Variants in SV2C observed in about 807,000 individuals in gnomAD.
SV2C encodes synaptic vesicle glycoprotein 2C, also known as solute carrier family 22 member B3.
In SV2C, 49 loss-of-function variants were observed where a neutral mutation model predicts 79.7. That is an observed-to-expected ratio of 0.61 (90% CI 0.49 to 0.78). The LOEUF (loss-of-function observed/expected upper bound fraction) is 0.78. Ranked by LOEUF, SV2C falls within the 30% of genes least tolerant of loss-of-function variation. The pLI is 0.00. For synonymous variants in SV2C, 334 were observed against 333.2 expected, an observed-to-expected ratio of 1.00 and a Z score of -0.03; for missense variants, 833 against 912.9, an observed-to-expected ratio of 0.91 and a Z score of 1.13.
intron 4 of SV2C, among the ~76,000 whole-genome samples, chr5:76,263,169 C>T (rs1437586834): frequency 6.6e-6 from 1 of 152,080 alleles, no homozygotes; most frequent in Non-Finnish European, 1.5e-5. Flanking sequence ...TGCATTGATC[C>T]CTTTACCATT....
At chr5:76,176,576 T>C (rs6868505) in intron 2 of SV2C, among the ~76,000 whole-genome samples, 89,501 of 151,974 alleles carry the variant, frequency 0.59, 28,269 homozygotes, top group East Asian at 0.91. Flanking sequence ...ACTTAATTCC[T>C]ATCTTTCCCC....
Position 76,131,720 on chromosome 5 carries a change from C to A in SV2C, c.-31C>A. ...CTGAAAGGAGGCTGTGAAAATTTCC[C>A]ATCTTCTCATTGGCCATCAGTTGAG... On this transcript the variant is annotated 5_prime_UTR_variant, in exon 2 of 13. Coordinates refer to ENST00000502798, the MANE Select transcript of SV2C (RefSeq NM_014979.4). 1 of 1,545,650 alleles carries A rather than the reference C, an allele frequency of 6.5e-7. No individual in the cohort carries two copies. The highest frequency in any genetic ancestry group is 8.8e-7 in the Non-Finnish European group (1 of 1,142,724).
chr5:76,257,716 G>C (rs949113118), intron 4 of SV2C, among the ~76,000 whole-genome samples: 1 of 151,342 alleles, frequency 6.6e-6, no homozygotes, highest in Admixed American at 6.6e-5. Context: ...GTAGGTGTAT[G>C]TGTGTGTATG....
At chr5:76,005,151 C>T in the SV2C span, among the ~76,000 whole-genome samples, 1 of 152,180 alleles carries the variant, frequency 6.6e-6, no homozygotes, top group Non-Finnish European at 1.5e-5. Context: ...AATACAATAT[C>T]ACAGGAGGAG....
chr5:76,099,344 A>G (rs1747663333), intron 1 of SV2C, among the ~76,000 whole-genome samples: 2 of 149,084 alleles, frequency 1.3e-5, no homozygotes, highest in Admixed American at 6.8e-5. Context: ...CCTGTTTGCC[A>G]TATTAGTGCT....
At chr5:76,152,990 T>C (rs1277803778) in intron 2 of SV2C, among the ~76,000 whole-genome samples, 1 of 152,198 alleles carries the variant, frequency 6.6e-6, no homozygotes, top group African/African-American at 2.4e-5. Context: ...ATAAATTATA[T>C]AGCTGCTATA....
chr5:76,290,549 T>A (rs2112503992), intron 6 of SV2C, among the ~76,000 whole-genome samples: 1 of 152,370 alleles, frequency 6.6e-6, no homozygotes, highest in East Asian at 1.9e-4. Context: ...TGTGGTTCTC[T>A]TCCTTAGCAA....
At chr5:76,144,692 G>A (rs889793973) in intron 2 of SV2C, among the ~76,000 whole-genome samples, 1 of 152,140 alleles carries the variant, frequency 6.6e-6, no homozygotes, top group Non-Finnish European at 1.5e-5. Context: ...CAAGAACTGA[G>A]GGCAGATGCA....
At chr5:76,004,706 T>C in the SV2C span, among the ~76,000 whole-genome samples, 1 of 152,250 alleles carries the variant, frequency 6.6e-6, no homozygotes, top group East Asian at 1.9e-4. Context: ...CTCAGATGCA[T>C]GCATTATTTA....
rs1194641545 is a variant in SV2C at position 76,232,304 on chromosome 5, A to C, written c.913+22417A>C. On this transcript the variant is annotated intron_variant, in intron 4 of 12. Coordinates refer to ENST00000502798, the MANE Select transcript of SV2C (RefSeq NM_014979.4). ...GGGGTTGTTTGTTTTTTTCTTGTAA[A>C]TTTGTTGGAGTTCATTGTAGATTCT... Among the ~76,000 whole-genome samples, 24 of 150,364 alleles carry C rather than the reference A, an allele frequency of 1.6e-4. 1 individual carries two copies. Among genetic ancestry groups the C allele is most frequent in the African/African-American group, 4.0e-4 (16 of 40,234 alleles).
At chr5:76,084,888 G>A (rs924477429) in intron 1 of SV2C, among the ~76,000 whole-genome samples, 1 of 151,944 alleles carries the variant, frequency 6.6e-6, no homozygotes, top group African/African-American at 2.4e-5. Context: ...TGGGCTGGCG[G>A]GCAGGCGGCT....
At chr5:76,269,805 G>A (rs114036335) in intron 4 of SV2C, among the ~76,000 whole-genome samples, 2,276 of 152,310 alleles carry the variant, frequency 0.015, 60 homozygotes, top group African/African-American at 0.05. Flanking sequence ...CTGGTAAGTA[G>A]CATTCAGAGA....
At chr5:76,175,379 T>G (rs751117643) in intron 2 of SV2C, among the ~76,000 whole-genome samples, 8 of 152,188 alleles carry the variant, frequency 5.3e-5, no homozygotes, top group Non-Finnish European at 1.0e-4. Context: ...TAGGTATAAT[T>G]CAATTAAAAA....
the SV2C span, among the ~76,000 whole-genome samples, chr5:75,887,115 T>A: frequency 6.6e-6 from 1 of 152,174 alleles, no homozygotes; most frequent in Non-Finnish European, 1.5e-5. Flanking sequence ...TTATGATGTA[T>A]AAGTATGATG....
intron 3 of SV2C, among the ~76,000 whole-genome samples, chr5:76,196,275 A>G (rs985564792): frequency 4.6e-5 from 7 of 152,210 alleles, no homozygotes; most frequent in Non-Finnish European, 7.3e-5. Context: ...AGCTTTCCTT[A>G]GAGTGAAGAC....
chr5:75,955,154 G>T, the SV2C span, among the ~76,000 whole-genome samples: 36 of 151,450 alleles, frequency 2.4e-4, no homozygotes, highest in Non-Finnish European at 3.5e-4. Context: ...ATACTACAAG[G>T]CTACAGTAAC....
intron 4 of SV2C, among the ~76,000 whole-genome samples, chr5:76,228,058 C>A (rs550979335): frequency 2.0e-5 from 3 of 152,266 alleles, no homozygotes; most frequent in African/African-American, 7.2e-5. Context: ...CTATCTCTCT[C>A]TCTCTCTCTC....
rs577199665 is a variant in SV2C, at chr5:76,297,282, A to G, written c.1502+1340A>G. On this transcript the variant is annotated intron_variant, in intron 9 of 12. Transcript: ENST00000502798. ...GCATCATAAAATGGCAACTCTTTATATACTGATACGGAATAACCTCCAAGG... is the reference window on the plus strand; with the variant it reads ...GCATCATAAAATGGCAACTCTTTATGTACTGATACGGAATAACCTCCAAGG... Among the ~76,000 whole-genome samples, 28 of 152,324 alleles carry G rather than the reference A, an allele frequency of 1.8e-4. No individual in the cohort carries two copies. The South Asian group carries it at 5.2e-3, about 28-fold the overall frequency.
chr5:76,208,761 G>A (rs763349591), intron 3 of SV2C, among the ~76,000 whole-genome samples: 92 of 152,246 alleles, frequency 6.0e-4, no homozygotes, highest in African/African-American at 2.0e-3. Flanking sequence ...GTGTCATCTC[G>A]ACAATGTACT....
Sources: allele counts gnomAD v4.1 joint callset (sites outside exome capture counted in the v4.1 genomes callset), GRCh38; gene constraint gnomAD v4.1.1; transcripts MANE v1.5; gene names NCBI Gene and HGNC (gene_info 2026-07-23, HGNC 2026-07-21).